SEPTIN6: variants seen among roughly 807,000 people sequenced by gnomAD.
The protein encoded by SEPTIN6 is septin-6.
SEPTIN6 carries 8 observed loss-of-function variants against 33.6 expected under a neutral mutation model. The observed-to-expected ratio is 0.24, with a 90% CI of 0.14 to 0.43. The LOEUF (loss-of-function observed/expected upper bound fraction) is 0.43. Among genes scored for constraint, SEPTIN6 ranks in the 20% least tolerant of loss-of-function variants. The pLI is 1.00. For missense variants in SEPTIN6, 250 were observed against 340.8 expected (o/e 0.73, Z 2.10); for synonymous variants, 131 against 140.0 (o/e 0.94, Z 0.45).
In SEPTIN6 at chrX:119,645,278, C is replaced by T. The variant is rs1358148301; in HGVS notation, c.691-4490G>A. On this transcript the variant is annotated intron_variant, in intron 5 of 10. Coordinates refer to ENST00000394610, the MANE Select transcript of SEPTIN6 (RefSeq NM_145799.4). ...TTTTTGAGACGGAGTCTCACTCTGT[C>T]GCCAGGCTGGAGTGCAGTGACGTGA... is the stretch of plus-strand genomic sequence containing the variant. Among the ~76,000 whole-genome samples, 5 of 84,073 alleles carry T rather than the reference C, an allele frequency of 5.9e-5. No individual in the cohort carries two copies. In the East Asian group the frequency reaches 1.3e-3, roughly 21 times the overall value. 73.0% of individuals were successfully genotyped at this position (84,073 alleles called of 115,157 possible).
At position 119,663,634 on chromosome X, in the gene SEPTIN6, G is replaced by T; in HGVS notation, c.189C>A (p.Phe63Leu). 1 of 1,210,531 alleles carries T rather than the reference G, an allele frequency of 8.3e-7. No individual in the cohort carries two copies. Among genetic ancestry groups the T allele is most frequent in the Admixed American group, 2.2e-5 (1 of 45,898 alleles). ...CTGGCTCCCCTTCGAATTTGGTGTTGAACAGGGTGTCCATGAGGGTGGACT... is the reference window on the plus strand; with the variant it reads ...CTGGCTCCCCTTCGAATTTGGTGTTTAACAGGGTGTCCATGAGGGTGGACT... ...LGKSTLMDTL[F>L]NTKFEGEPAT... Residue 63 changes from phenylalanine to leucine, a missense_variant, in exon 3 of 11, where the codon TTC becomes TTA. Around this residue, in one of 2 missense-constraint regions of SEPTIN6, gnomAD observed 111 missense variants for 113.8 expected, o/e 0.98. Transcript: ENST00000394610.
At chrX:119,660,847 C>T (rs1039850505) in intron 3 of SEPTIN6, among the ~76,000 whole-genome samples, 1 of 106,215 alleles carries the variant, frequency 9.4e-6, no homozygotes, top group Non-Finnish European at 1.9e-5. Flanking sequence ...CGAGACCAGC[C>T]TGGTCAACAT....
intron 2 of SEPTIN6, among the ~76,000 whole-genome samples, chrX:119,663,980 GT>G (rs1569436294): frequency 1.8e-5 from 2 of 108,350 alleles, no homozygotes; most frequent in African/African-American, 6.7e-5. Flanking sequence ...TTTTGTTGTT[GT>G]TTGTTTGTTT....
At chrX:119,632,321 G>A (rs982287022) in intron 8 of SEPTIN6, among the ~76,000 whole-genome samples, 98 of 107,766 alleles carry the variant, frequency 9.1e-4, no homozygotes, top group Middle Eastern at 5.1e-3. Context: ...TCAGCCTCCC[G>A]AGTAGCTGGG....
At position 119,618,891 on chromosome X, in the gene SEPTIN6, CAT is replaced by C. The variant is rs1402013217; in HGVS notation, c.*1200_*1201del. On this transcript the variant is annotated 3_prime_UTR_variant, in exon 11 of 11. Transcript: ENST00000394610. ...CCAAACACCAAAGGCCACTGTGCCT[CAT>C]AACCCTGACAAGGGAGGGCTCTCTA... is the stretch of plus-strand genomic sequence containing the variant. The C allele has an allele frequency of 8.6e-6, 10 of 1,160,598 alleles. No homozygotes were observed. The African/African-American group carries it at 1.8e-4, about 21-fold the overall frequency.
chrX:119,690,495 C>T (rs376406361), intron 1 of SEPTIN6, among the ~76,000 whole-genome samples: 150 of 109,061 alleles, frequency 1.4e-3, no homozygotes, highest in African/African-American at 4.5e-3. Context: ...GAGGCTGAGG[C>T]GGGTGGATCA....
chrX:119,617,284 C>A lies in SEPTIN6; in HGVS notation c.*2809G>T. 1.2e-6 allele frequency: 1 copy of A among 804,869 alleles called. No homozygotes were observed. The highest frequency in any genetic ancestry group is 6.6e-5 in the South Asian group (1 of 15,160). The allele number at this position is 804,869 out of a possible 1,213,427, so 66.3% of individuals were successfully genotyped here. On this transcript the variant is annotated 3_prime_UTR_variant, in exon 11 of 11. Coordinates refer to ENST00000394610, the MANE Select transcript of SEPTIN6 (RefSeq NM_145799.4). Reference sequence around the variant, plus strand: ...AGTAACAGTTGTACTAATTTAAAAGCCTTTTCATTGAAGAAGGAAAAAATC... The same window carrying A: ...AGTAACAGTTGTACTAATTTAAAAGACTTTTCATTGAAGAAGGAAAAAATC...
intron 7 of SEPTIN6, among the ~76,000 whole-genome samples, chrX:119,635,776 T>C (rs919304312): frequency 9.0e-6 from 1 of 110,970 alleles, no homozygotes; most frequent in Non-Finnish European, 1.9e-5. Flanking sequence ...CCAGTAAACA[T>C]AGAACAACTC....
intron 5 of SEPTIN6, among the ~76,000 whole-genome samples, chrX:119,645,236 C>CTT (rs757199588): frequency 3.1e-4 from 22 of 71,172 alleles, no homozygotes; most frequent in Non-Finnish European, 4.8e-4. Context: ...AAGGCCCTAC[C>CTT]TTTTTTTTTT....
At chrX:119,647,483 C>CTTTTTTTTT (rs61037430) in intron 5 of SEPTIN6, among the ~76,000 whole-genome samples, 8,721 of 73,944 alleles carry the variant, frequency 0.12, 892 homozygotes, top group African/African-American at 0.21. Context: ...TTCTCTCTCT[C>CTTTTTTTTT]TTTTTTTTTT....
At chrX:119,622,056 A>C (rs774471986) in intron 10 of SEPTIN6, among the ~76,000 whole-genome samples, 47 of 110,036 alleles carry the variant, frequency 4.3e-4, no homozygotes, top group African/African-American at 1.3e-3. Context: ...ACAACAACAA[A>C]AAAAAACACT....
At chrX:119,630,762 G>A (rs1446004174) in intron 8 of SEPTIN6, among the ~76,000 whole-genome samples, 2 of 110,681 alleles carry the variant, frequency 1.8e-5, no homozygotes, top group Non-Finnish European at 3.8e-5. Flanking sequence ...GCGTGGTGAC[G>A]CTTGCCTATA....
In SEPTIN6 at chrX:119,667,607, C is replaced by T. The variant is rs959957581; in HGVS notation, c.146-3930G>A. Among the ~76,000 whole-genome samples the T allele has an allele frequency of 2.8e-5, 3 of 107,333 alleles. No homozygotes were observed. The Admixed American group carries it at 3.0e-4, about 11-fold the overall frequency. The allele number at this position is 107,333 out of a possible 115,157, so 93.2% of individuals were successfully genotyped here. On this transcript the variant is annotated intron_variant, in intron 2 of 10. Coordinates refer to ENST00000394610, the MANE Select transcript of SEPTIN6 (RefSeq NM_145799.4). The stretch of plus-strand genomic sequence containing the variant: ...GTGTAGAGCCTGGGGGTCGGGGAGG[C>T]TTTCTGTCAATGACTGGCACAGACC...
chrX:119,687,399 C>T (rs1413326832), intron 1 of SEPTIN6, among the ~76,000 whole-genome samples: 3 of 109,644 alleles, frequency 2.7e-5, no homozygotes, highest in African/African-American at 6.6e-5. Flanking sequence ...TACAGGCACC[C>T]GCCACCACGC....
At position 119,653,047 on chromosome X, in the gene SEPTIN6, G is replaced by A. The variant is rs188608510; in HGVS notation, c.342-7C>T. 7.2e-4 allele frequency: 855 copies of A among 1,195,749 alleles called. 7 individuals carry two copies. In the African/African-American group the frequency reaches 0.014, roughly 19 times the overall value. On this transcript the variant is annotated splice_polypyrimidine_tract_variant and splice_region_variant and intron_variant, in intron 3 of 10. Transcript: ENST00000394610. ...TTCCACGATAGGCTTGTAGCTAAAA[G>A]GGAGAGCAGGGACAGAGGCGGATCC...
intron 1 of SEPTIN6, among the ~76,000 whole-genome samples, chrX:119,680,027 G>A (rs1190168384): frequency 9.0e-6 from 1 of 110,644 alleles, no homozygotes; most frequent in African/African-American, 3.3e-5. Context: ...GGGACGATGA[G>A]GAGACTGATT....
At chrX:119,654,308 G>A (rs1297561192) in intron 3 of SEPTIN6, among the ~76,000 whole-genome samples, 2 of 110,562 alleles carry the variant, frequency 1.8e-5, no homozygotes, top group Admixed American at 9.7e-5. Context: ...CCCCTCCCAC[G>A]TCATCCCCGT....
chrX:119,671,480 G>C (rs895018173), intron 2 of SEPTIN6, among the ~76,000 whole-genome samples: 2 of 109,680 alleles, frequency 1.8e-5, no homozygotes, highest in Non-Finnish European at 3.8e-5. Flanking sequence ...AGTAGAGACG[G>C]GGTTTCACCG....
chrX:119,681,101 G>A (rs1352419958), intron 1 of SEPTIN6, among the ~76,000 whole-genome samples: 2 of 111,192 alleles, frequency 1.8e-5, no homozygotes, highest in African/African-American at 6.5e-5. Flanking sequence ...ATGAGTATCA[G>A]TCCGCATTGT....
Sources: allele counts gnomAD v4.1 joint callset (sites outside exome capture counted in the v4.1 genomes callset), GRCh38; gene constraint gnomAD v4.1.1; regional missense constraint gnomAD v4.1.1; transcripts MANE v1.5; gene names NCBI Gene and HGNC (gene_info 2026-07-23, HGNC 2026-07-21).